ZRANB3: variants seen among roughly 807,000 people sequenced by gnomAD.
ZRANB3 encodes DNA annealing helicase and endonuclease ZRANB3.
A neutral mutation model predicts 133.8 loss-of-function variants in ZRANB3; 125 were observed. The observed-to-expected ratio is 0.93, with a 90% CI of 0.81 to 1.08. The LOEUF (loss-of-function observed/expected upper bound fraction) is 1.08, where lower values mean the gene tolerates loss of function less well. Ranked by LOEUF, ZRANB3 falls within the 50% of genes least tolerant of loss-of-function variation. The pLI, the probability that ZRANB3 is intolerant of heterozygous loss-of-function variation, is 0.00. For missense variants in ZRANB3, 1,229 were observed against 1,275.5 expected (o/e 0.96, Z 0.56); for synonymous variants, 387 against 432.7 (o/e 0.89, Z 1.31).
intron 1 of ZRANB3, 112 bp from the exon 2 acceptor site, chr2:135,504,608 T>A: frequency 3.1e-6 from 3 of 953,812 alleles, no homozygotes; most frequent in Non-Finnish European, 4.5e-6. Context: ...AGCTTTGACA[T>A]ACCATTTATA....
chr2:135,206,993 C>T (rs1206951295), intron 19 of ZRANB3, among the ~76,000 whole-genome samples: 1 of 151,816 alleles, frequency 6.6e-6, no homozygotes, highest in African/African-American at 2.4e-5. Flanking sequence ...GGTGAAATCC[C>T]GTCTCTACTG....
At chr2:135,304,337 T>C (rs368683223) in intron 8 of ZRANB3, among the ~76,000 whole-genome samples, 2 of 152,236 alleles carry the variant, frequency 1.3e-5, no homozygotes, top group Non-Finnish European at 2.9e-5. Flanking sequence ...AATGCTTACA[T>C]TGAAATAATC....
intron 2 of ZRANB3, among the ~76,000 whole-genome samples, chr2:135,482,180 GC>G (rs1253524567): frequency 7.1e-6 from 1 of 140,020 alleles, no homozygotes; most frequent in African/African-American, 3.1e-5. Flanking sequence ...GATGGGGATG[GC>G]ATTGAATCTG....
intron 2 of ZRANB3, among the ~76,000 whole-genome samples, chr2:135,453,135 C>A (rs1463376250): frequency 6.6e-6 from 1 of 152,246 alleles, no homozygotes; most frequent in East Asian, 1.9e-4. Flanking sequence ...ACTGCCAAGG[C>A]TTGGGGCTTC....
chr2:135,309,955 G>C (rs893507576), intron 8 of ZRANB3, among the ~76,000 whole-genome samples: 2 of 152,066 alleles, frequency 1.3e-5, no homozygotes, highest in Non-Finnish European at 2.9e-5. Flanking sequence ...TTATTTTTTG[G>C]AGACAGAGTC....
chr2:135,356,828 C>G (rs1685459458), intron 3 of ZRANB3, among the ~76,000 whole-genome samples: 1 of 151,952 alleles, frequency 6.6e-6, no homozygotes, highest in African/African-American at 2.4e-5. Flanking sequence ...GCTCAGCCCC[C>G]TGGGTAGCCA....
At chr2:135,229,794 G>A (rs1364398123) in intron 13 of ZRANB3, among the ~76,000 whole-genome samples, 1 of 152,038 alleles carries the variant, frequency 6.6e-6, no homozygotes, top group Non-Finnish European at 1.5e-5. Flanking sequence ...CTATAAAAAT[G>A]CTCTATAGAA....
At chr2:135,344,032 T>C (rs1441209653) in intron 6 of ZRANB3, among the ~76,000 whole-genome samples, 1 of 152,214 alleles carries the variant, frequency 6.6e-6, no homozygotes. Context: ...TTATCTTAGA[T>C]TTTTCCCCTA....
At chr2:135,487,864 T>A (rs1275099407) in intron 2 of ZRANB3, among the ~76,000 whole-genome samples, 1 of 152,222 alleles carries the variant, frequency 6.6e-6, no homozygotes, top group African/African-American at 2.4e-5. Flanking sequence ...ATTTGTATAC[T>A]GGAGGAGTAC....
At chr2:135,492,556 C>A (rs1190935156) in intron 2 of ZRANB3, among the ~76,000 whole-genome samples, 2 of 152,134 alleles carry the variant, frequency 1.3e-5, no homozygotes, top group Non-Finnish European at 2.9e-5. Flanking sequence ...AAAATCCCTC[C>A]TTTTGCAAAC....
Position 135,365,722 on chromosome 2 carries a change from T to C in ZRANB3, c.181-12094A>G, listed in dbSNP as rs567199409. On this transcript the variant is annotated intron_variant, in intron 3 of 20. Transcript: ENST00000264159. ...ACTTGATTACTGCCATTAAGGACCATAGATAAGTTCAGTTGGAGATTTTAT... is the reference window on the plus strand; with the variant it reads ...ACTTGATTACTGCCATTAAGGACCACAGATAAGTTCAGTTGGAGATTTTAT... 3.3e-5 allele frequency among the ~76,000 whole-genome samples: 5 copies of C among 152,330 alleles called. No homozygotes were observed. The East Asian group carries it at 5.8e-4, about 18-fold the overall frequency.
intron 8 of ZRANB3, among the ~76,000 whole-genome samples, chr2:135,276,996 GTAGAAAACTA>G (rs1425922203): frequency 6.6e-6 from 1 of 152,108 alleles, no homozygotes; most frequent in Non-Finnish European, 1.5e-5. Flanking sequence ...AACCATTCTG[GTAGAAAACTA>G]CAGACTTATT....
intron 1 of ZRANB3, chr2:135,530,482 G>T (rs1342660315): frequency 1.3e-5 from 2 of 152,142 alleles, no homozygotes; most frequent in African/African-American, 4.8e-5. Context: ...TCCCATGCAA[G>T]AAACTAGCGA....
At chr2:135,302,760 G>A (rs768715627) in intron 8 of ZRANB3, among the ~76,000 whole-genome samples, 2 of 151,996 alleles carry the variant, frequency 1.3e-5, no homozygotes, top group Non-Finnish European at 2.9e-5. Context: ...TCCTGACCTC[G>A]TGATCTGCCC....
At chr2:135,361,034 C>A (rs1038483167) in intron 3 of ZRANB3, among the ~76,000 whole-genome samples, 1 of 152,210 alleles carries the variant, frequency 6.6e-6, no homozygotes, top group African/African-American at 2.4e-5. Flanking sequence ...CCTGCCTTGG[C>A]CTCCCAAAGT....
At chr2:135,348,840 C>T (rs1038371981) in intron 5 of ZRANB3, among the ~76,000 whole-genome samples, 2 of 152,118 alleles carry the variant, frequency 1.3e-5, no homozygotes, top group African/African-American at 4.8e-5. Context: ...GTGATCCACT[C>T]GCCTCGGCTT....
Position 135,504,446 on chromosome 2 carries a change from A to C in ZRANB3, c.44T>G (p.Ile15Ser). Residue 15 changes from isoleucine to serine, a missense_variant, in exon 2 of 21, where the codon ATT becomes AGT. Ile to Ser is a moderately radical substitution (Grantham distance 142). Transcript: ENST00000264159. ...ATCAGATTCATTTGTCACACAAGAA[A>C]TGTGAGGTGTAAGAGACTTTTTTAT... ...HNIKKSLTPHISCVTNESDNL... is the reference protein window; with the variant it reads ...HNIKKSLTPHSSCVTNESDNL... The C allele has an allele frequency of 6.2e-7, 1 of 1,613,604 alleles. No individual in the cohort carries two copies. The highest frequency in any genetic ancestry group is 1.7e-4 in the Middle Eastern group (1 of 6,058).
intron 2 of ZRANB3, among the ~76,000 whole-genome samples, chr2:135,447,363 T>A (rs559649926): frequency 1.3e-5 from 2 of 152,300 alleles, no homozygotes; most frequent in African/African-American, 2.4e-5. Context: ...TTTTAAAATA[T>A]CAAGAATCAT....
chr2:135,204,196 G>T (rs1321594733), intron 19 of ZRANB3, among the ~76,000 whole-genome samples: 1 of 152,196 alleles, frequency 6.6e-6, no homozygotes, highest in African/African-American at 2.4e-5. Flanking sequence ...GTTACTGCCT[G>T]CCTTACCTTC....
Sources: gnomAD v4.1 joint callset for allele counts (sites outside exome capture counted in the v4.1 genomes callset) on GRCh38, gnomAD v4.1.1 for gene constraint, MANE v1.5 for transcripts, NCBI Gene and HGNC (gene_info 2026-07-23, HGNC 2026-07-21) for gene names.